Variants in PLEKHB2 observed in about 807,000 individuals in gnomAD.
PLEKHB2 encodes the protein pleckstrin homology domain containing B2.
In PLEKHB2, 31 loss-of-function variants were observed where a neutral mutation model predicts 36.5. The observed-to-expected ratio is 0.85, with a 90% CI of 0.64 to 1.15. The LOEUF is 1.15. PLEKHB2 is among the 50% of genes most tolerant of loss of function. The probability of loss-of-function intolerance (pLI) is 0.00; values close to 1 mark genes in which losing one functional copy is unlikely to be tolerated. For synonymous variants in PLEKHB2, 119 were observed against 112.0 expected (o/e 1.06, Z -0.39); for missense variants, 262 against 295.3 (o/e 0.89, Z 0.83).
intron 7 of PLEKHB2, 75 bp downstream of exon 7, chr2:131,140,350 T>C: frequency 1.3e-6 from 1 of 741,092 alleles, no homozygotes; most frequent in Non-Finnish European, 2.3e-6. Flanking sequence ...TAAACGTTTT[T>C]ATTTTTCAGT....
chr2:131,133,945 G>A (rs1168294100), intron 6 of PLEKHB2, among the ~76,000 whole-genome samples: 1 of 150,486 alleles, frequency 6.6e-6, no homozygotes, highest in African/African-American at 2.5e-5. Context: ...TATCGCCCAG[G>A]CTGGAGTGCA....
chr2:131,109,426 A>G (rs1441625724), intron 1 of PLEKHB2, among the ~76,000 whole-genome samples: 1 of 152,108 alleles, frequency 6.6e-6, no homozygotes. Flanking sequence ...TGGTGGCTCA[A>G]GCTTTTGGAG....
chr2:131,106,538 C>T (rs1341646867), intron 1 of PLEKHB2, among the ~76,000 whole-genome samples: 1 of 152,286 alleles, frequency 6.6e-6, no homozygotes, highest in South Asian at 2.1e-4. Flanking sequence ...TGCGTCTGTG[C>T]CCATGCAGTG....
At chr2:131,124,903 A>G (rs1412892422) in intron 2 of PLEKHB2, among the ~76,000 whole-genome samples, 3 of 151,598 alleles carry the variant, frequency 2.0e-5, no homozygotes, top group Admixed American at 2.0e-4. Flanking sequence ...CTCCTGCCTC[A>G]GCCTCCCTAG....
intron 1 of PLEKHB2, 71 bp from the exon 2 acceptor site, chr2:131,120,863 T>G: frequency 6.8e-7 from 1 of 1,472,118 alleles, no homozygotes; most frequent in Non-Finnish European, 9.5e-7. Context: ...GGGATAAGGA[T>G]AGAGACTCGG....
intron 2 of PLEKHB2, among the ~76,000 whole-genome samples, chr2:131,121,429 G>A (rs1292702394): frequency 1.3e-5 from 2 of 152,010 alleles, no homozygotes; most frequent in Admixed American, 1.3e-4. Flanking sequence ...TGTATTTTTA[G>A]TAGAGAAGGG....
chr2:131,138,259 C>T (rs1698462046), intron 6 of PLEKHB2, among the ~76,000 whole-genome samples: 2 of 151,832 alleles, frequency 1.3e-5, no homozygotes, highest in Admixed American at 1.3e-4. Context: ...ATACTTTTTA[C>T]TGAGATTTTT....
At chr2:131,134,488 T>C (rs574771597) in intron 6 of PLEKHB2, among the ~76,000 whole-genome samples, 3 of 152,344 alleles carry the variant, frequency 2.0e-5, no homozygotes, top group Admixed American at 2.0e-4. Context: ...TGTATTAATT[T>C]TGAATTAATT....
chr2:131,134,075 A>C (rs1475529963), intron 6 of PLEKHB2, among the ~76,000 whole-genome samples: 1 of 150,186 alleles, frequency 6.7e-6, no homozygotes, highest in Non-Finnish European at 1.5e-5. Flanking sequence ...AATTTTTTGT[A>C]TTTTTAGTAG....
intron 5 of PLEKHB2, 36 bp from the exon 6 acceptor site, chr2:131,132,866 A>G: frequency 8.5e-7 from 1 of 1,181,300 alleles, no homozygotes; most frequent in Non-Finnish European, 1.3e-6. Flanking sequence ...GCTGCTGGGA[A>G]GCTGTCCTGT....
intron 6 of PLEKHB2, among the ~76,000 whole-genome samples, chr2:131,134,280 G>A (rs565662525): frequency 5.1e-4 from 78 of 152,062 alleles, no homozygotes; most frequent in African/African-American, 1.8e-3. Flanking sequence ...TCCACCTCCC[G>A]GGTTCAAGCG....
At chr2:131,113,804 T>A (rs923571902) in intron 1 of PLEKHB2, among the ~76,000 whole-genome samples, 1 of 152,130 alleles carries the variant, frequency 6.6e-6, no homozygotes, top group Non-Finnish European at 1.5e-5. Context: ...CCACGCCCAG[T>A]CTCCAGAGGC....
At chr2:131,142,627 A>G (rs1245208069) in intron 7 of PLEKHB2, among the ~76,000 whole-genome samples, 1 of 149,034 alleles carries the variant, frequency 6.7e-6, no homozygotes, top group African/African-American at 2.5e-5. Context: ...GCTGTTGTGC[A>G]ATGTCATGAT....
intron 6 of PLEKHB2, among the ~76,000 whole-genome samples, chr2:131,138,997 T>C (rs1221535017): frequency 6.6e-6 from 1 of 152,218 alleles, no homozygotes; most frequent in African/African-American, 2.4e-5. Flanking sequence ...AGCATGGAAA[T>C]TCAGGCTCTT....
chr2:131,121,262 A>G (rs913374168), intron 2 of PLEKHB2, among the ~76,000 whole-genome samples: 1 of 152,008 alleles, frequency 6.6e-6, no homozygotes, highest in African/African-American at 2.4e-5. Context: ...TATTTTATTT[A>G]TTTATTTTTT....
chr2:131,129,324 C>CAAA (rs1168039416), intron 4 of PLEKHB2, among the ~76,000 whole-genome samples: 16 of 49,982 alleles, frequency 3.2e-4, no homozygotes, highest in Admixed American at 4.0e-4. Context: ...GACTCCATCT[C>CAAA]AAAAAAAAAA....
intron 7 of PLEKHB2, 147 bp from the exon 8 acceptor site, chr2:131,146,490 C>T: frequency 4.1e-6 from 3 of 733,966 alleles, no homozygotes; most frequent in East Asian, 2.8e-5. Context: ...ATGTCGGCCA[C>T]ATGATGTGCC....
intron 1 of PLEKHB2, among the ~76,000 whole-genome samples, chr2:131,114,314 C>CG (rs1695633705): frequency 6.6e-6 from 1 of 151,998 alleles, no homozygotes; most frequent in African/African-American, 2.4e-5. Context: ...TTAGTAGAGA[C>CG]GGGGTTTCAT....
At chr2:131,122,283 A>G (rs1219500927) in intron 2 of PLEKHB2, among the ~76,000 whole-genome samples, 8 of 152,210 alleles carry the variant, frequency 5.3e-5, no homozygotes, top group Non-Finnish European at 1.0e-4. Context: ...ATATTCTGCT[A>G]TACTAGAAAG....
Sources: gnomAD v4.1 joint callset for allele counts (sites outside exome capture counted in the v4.1 genomes callset) on GRCh38, gnomAD v4.1.1 for gene constraint, MANE v1.5 for transcripts, NCBI Gene and HGNC (gene_info 2026-07-23, HGNC 2026-07-21) for gene names.